Variants in MTCL3 observed in about 807,000 individuals in gnomAD.
The protein encoded by MTCL3 is MTCL family member 3, also known as microtubule cross-linking factor 3.
At chr6:127,504,241 T>A in the MTCL3 span, among the ~76,000 whole-genome samples, 1 of 152,136 alleles carries the variant, frequency 6.6e-6, no homozygotes. Context: ...GTCTGGTTGG[T>A]CTTGTGAGGA....
the MTCL3 span, chr6:127,482,769 A>T: frequency 1.8e-6 from 1 of 553,022 alleles, no homozygotes; most frequent in African/African-American, 2.0e-5. The surrounding 1 kb of genome is among the most constrained non-coding windows in gnomAD (Gnocchi z 4.1). Flanking sequence ...TACTACCTGT[A>T]TCTACAGCTA....
At chr6:127,517,881 T>G in the MTCL3 span, 1 of 152,236 alleles carries the variant, frequency 6.6e-6, no homozygotes, top group African/African-American at 2.4e-5. Context: ...GAAAGGGGCA[T>G]GACTAGGCAT....
chr6:127,487,379 A>T, the MTCL3 span, among the ~76,000 whole-genome samples: 1 of 152,210 alleles, frequency 6.6e-6, no homozygotes, highest in Non-Finnish European at 1.5e-5. Flanking sequence ...AGGGATCAGC[A>T]GAAGTGACAT....
At chr6:127,488,208 GACCC>G in the MTCL3 span, among the ~76,000 whole-genome samples, 9 of 152,094 alleles carry the variant, frequency 5.9e-5, no homozygotes, top group East Asian at 1.5e-3. Context: ...ATACTCTCAT[GACCC>G]ACTTCCATAG....
chr6:127,495,981 C>T, the MTCL3 span, among the ~76,000 whole-genome samples: 1 of 152,026 alleles, frequency 6.6e-6, no homozygotes, highest in Non-Finnish European at 1.5e-5. Context: ...TGTAATCCTA[C>T]CATTTTGGGA....
chr6:127,478,532 G>GGGATCCCC, the MTCL3 span, among the ~76,000 whole-genome samples: 1 of 152,214 alleles, frequency 6.6e-6, no homozygotes. Flanking sequence ...AGGTGTTCCA[G>GGGATCCCC]TGGAGGGATA....
the MTCL3 span, among the ~76,000 whole-genome samples, chr6:127,500,161 G>A: frequency 6.6e-6 from 1 of 151,992 alleles, no homozygotes; most frequent in Non-Finnish European, 1.5e-5. Flanking sequence ...GGGGAACTCA[G>A]ATTAATATAA....
the MTCL3 span, among the ~76,000 whole-genome samples, chr6:127,507,993 C>T: frequency 0.018 from 2,742 of 151,896 alleles, 93 homozygotes; most frequent in African/African-American, 0.063. Context: ...ATTCGACAAA[C>T]TATTGGCTCT....
At chr6:127,513,262 T>C in the MTCL3 span, among the ~76,000 whole-genome samples, 1 of 152,226 alleles carries the variant, frequency 6.6e-6, no homozygotes, top group Non-Finnish European at 1.5e-5. Flanking sequence ...TTATTACTTC[T>C]ATTTTGTAGA....
chr6:127,504,160 G>A, the MTCL3 span, among the ~76,000 whole-genome samples: 1 of 152,088 alleles, frequency 6.6e-6, no homozygotes, highest in Non-Finnish European at 1.5e-5. Context: ...TATATGCTGG[G>A]TACTGAACTA....
At chr6:127,484,778 G>A in the MTCL3 span, among the ~76,000 whole-genome samples, 1 of 152,140 alleles carries the variant, frequency 6.6e-6, no homozygotes, top group Non-Finnish European at 1.5e-5. Flanking sequence ...AACTGTCATT[G>A]AGCCCTAATT....
the MTCL3 span, among the ~76,000 whole-genome samples, chr6:127,493,109 A>G: frequency 6.6e-6 from 1 of 152,004 alleles, no homozygotes; most frequent in Non-Finnish European, 1.5e-5. Context: ...TGTTCATCCC[A>G]CCCTTAGTTT....
At chr6:127,475,808 A>G in the MTCL3 span, 1 of 1,612,384 alleles carries the variant, frequency 6.2e-7, no homozygotes, top group Non-Finnish European at 8.5e-7. This position sits in a 1 kb window ranked among gnomAD's most constrained non-coding sequence, Gnocchi z 7.3. Flanking sequence ...CCCAGGTGCG[A>G]GGCCAGGTCG....
chr6:127,496,189 C>T, the MTCL3 span, among the ~76,000 whole-genome samples: 1 of 152,096 alleles, frequency 6.6e-6, no homozygotes, highest in African/African-American at 2.4e-5. Context: ...AAAGATGAAC[C>T]AGACTTATTT....
the MTCL3 span, among the ~76,000 whole-genome samples, chr6:127,480,210 T>C: frequency 6.6e-6 from 1 of 152,202 alleles, no homozygotes; most frequent in Non-Finnish European, 1.5e-5. Context: ...ATCGATTACA[T>C]ATATTAACTC....
At chr6:127,501,693 A>C in the MTCL3 span, among the ~76,000 whole-genome samples, 1 of 152,210 alleles carries the variant, frequency 6.6e-6, no homozygotes, top group Admixed American at 6.5e-5. Context: ...AATCATGCTG[A>C]ATATAAATGC....
the MTCL3 span, among the ~76,000 whole-genome samples, chr6:127,507,854 A>G: frequency 1.4e-5 from 2 of 147,168 alleles, no homozygotes; most frequent in Non-Finnish European, 3.0e-5. Context: ...AAAAAAAAAA[A>G]AAAAAAAAAA....
the MTCL3 span, among the ~76,000 whole-genome samples, chr6:127,486,062 T>C: frequency 1.3e-5 from 2 of 152,154 alleles, no homozygotes; most frequent in African/African-American, 2.4e-5. Flanking sequence ...GCAGAAAAGA[T>C]TGAGGTCAGC....
At chr6:127,487,542 G>C in the MTCL3 span, among the ~76,000 whole-genome samples, 1 of 152,156 alleles carries the variant, frequency 6.6e-6, no homozygotes, top group Non-Finnish European at 1.5e-5. Flanking sequence ...ATGGGCTCTT[G>C]TTCCTAGAAG....
Sources: allele counts gnomAD v4.1 joint callset (sites outside exome capture counted in the v4.1 genomes callset), GRCh38; gene constraint gnomAD v4.1.1; non-coding constraint Gnocchi (gnomAD v3.1); transcripts MANE v1.5; gene names NCBI Gene and HGNC (gene_info 2026-07-23, HGNC 2026-07-21).